TRPM3: variants seen among roughly 807,000 people sequenced by gnomAD.
TRPM3 encodes long transient receptor potential channel 3.
Under a neutral mutation model 181.2 loss-of-function variants are expected in TRPM3, and 77 were observed. The ratio of observed to expected loss-of-function variants is 0.42; its 90% CI spans 0.35 to 0.51. The LOEUF (loss-of-function observed/expected upper bound fraction) is 0.51, where lower values mean the gene tolerates loss of function less well. Among genes scored for constraint, TRPM3 ranks in the 20% least tolerant of loss-of-function variants. TRPM3 has a pLI of 0.01. For synonymous variants in TRPM3, 745 were observed against 796.4 expected (o/e 0.94, Z 1.09); for missense variants, 1,759 against 2,196.7 (o/e 0.80, Z 3.98).
At chr9:71,277,866 A>C (rs542567932) in intron 1 of TRPM3, among the ~76,000 whole-genome samples, 12 of 151,398 alleles carry the variant, frequency 7.9e-5, no homozygotes, top group Non-Finnish European at 1.5e-4. Flanking sequence ...TCAGGAAAAG[A>C]GGATGCAGAG....
chr9:71,119,625 G>A (rs2073181974), intron 1 of TRPM3, among the ~76,000 whole-genome samples: 1 of 151,914 alleles, frequency 6.6e-6, no homozygotes, highest in South Asian at 2.1e-4. Context: ...CATTATTTTG[G>A]GTTAAAGCTG....
chr9:70,846,637 C>A (rs377705434), intron 3 of TRPM3, 46 bp from the exon 4 acceptor site: 41 of 1,530,056 alleles, frequency 2.7e-5, no homozygotes, highest in Non-Finnish European at 3.3e-5. Context: ...GCAGGACTGG[C>A]TGAGGCTGGT....
At chr9:70,669,245 C>T (rs1476313488) in intron 9 of TRPM3, among the ~76,000 whole-genome samples, 1 of 152,206 alleles carries the variant, frequency 6.6e-6, no homozygotes, top group South Asian at 2.1e-4. Flanking sequence ...TCTCAGTTCC[C>T]TAAATGCGTA....
chr9:71,265,697 A>G (rs1050980743), intron 1 of TRPM3, among the ~76,000 whole-genome samples: 1 of 152,344 alleles, frequency 6.6e-6, no homozygotes, highest in East Asian at 1.9e-4. Flanking sequence ...GCCTATTATA[A>G]GTGTTGAGCA....
chr9:71,239,771 T>G (rs2081559645), intron 1 of TRPM3, among the ~76,000 whole-genome samples: 1 of 152,106 alleles, frequency 6.6e-6, no homozygotes, highest in African/African-American at 2.4e-5. Context: ...TTCTTTTTTG[T>G]CTTAAAAAAG....
chr9:70,947,936 G>A (rs1163295633), intron 1 of TRPM3, among the ~76,000 whole-genome samples: 2 of 152,060 alleles, frequency 1.3e-5, no homozygotes, highest in African/African-American at 4.8e-5. Flanking sequence ...CTAAGTAGGG[G>A]AAAGTTACTA....
intron 1 of TRPM3, among the ~76,000 whole-genome samples, chr9:70,899,757 C>T (rs1234571890): frequency 6.6e-6 from 1 of 152,212 alleles, no homozygotes; most frequent in African/African-American, 2.4e-5. Flanking sequence ...CTCAAATAGA[C>T]TGTGAACAAC....
chr9:71,012,419 T>C (rs1297380908), intron 1 of TRPM3, among the ~76,000 whole-genome samples: 3 of 151,788 alleles, frequency 2.0e-5, no homozygotes, highest in Admixed American at 2.0e-4. Flanking sequence ...TTTTTTTTTT[T>C]AACATCTGGC....
At chr9:71,168,725 T>C (rs2076688931) in intron 1 of TRPM3, among the ~76,000 whole-genome samples, 1 of 150,582 alleles carries the variant, frequency 6.6e-6, no homozygotes, top group Admixed American at 6.6e-5. Flanking sequence ...CCTAGGGGTG[T>C]TGCCATAATT....
intron 8 of TRPM3, among the ~76,000 whole-genome samples, chr9:70,744,136 T>C (rs1218012293): frequency 1.3e-5 from 2 of 151,994 alleles, no homozygotes; most frequent in Admixed American, 1.3e-4. Context: ...GAGACCAGCC[T>C]GGACAACATG....
intron 7 of TRPM3, among the ~76,000 whole-genome samples, chr9:70,782,178 G>C (rs556292654): frequency 7.1e-4 from 106 of 149,964 alleles, no homozygotes; most frequent in African/African-American, 2.5e-3. Flanking sequence ...GCTAGACTTA[G>C]AGAAAGGAGA....
chr9:71,009,657 C>A (rs2097715373), intron 1 of TRPM3, among the ~76,000 whole-genome samples: 1 of 152,062 alleles, frequency 6.6e-6, no homozygotes, highest in African/African-American at 2.4e-5. Context: ...GTTCCTATTA[C>A]TCACAGTGAT....
intron 1 of TRPM3, among the ~76,000 whole-genome samples, chr9:70,928,775 G>A (rs1393939787): frequency 6.6e-6 from 1 of 152,190 alleles, no homozygotes; most frequent in Non-Finnish European, 1.5e-5. Flanking sequence ...AGAAGATGAA[G>A]CGGGCATCAT....
At chr9:71,423,806 A>G (rs2093818428) in intron 1 of TRPM3, among the ~76,000 whole-genome samples, 1 of 152,256 alleles carries the variant, frequency 6.6e-6, no homozygotes, top group Admixed American at 6.6e-5. Flanking sequence ...GAAGGTCAAA[A>G]GTTCCTCCCC....
chr9:71,231,562 C>T (rs1199152238), intron 1 of TRPM3, among the ~76,000 whole-genome samples: 1 of 152,142 alleles, frequency 6.6e-6, no homozygotes, highest in South Asian at 2.1e-4. Context: ...GAATTGGTGG[C>T]CATTTGTTAC....
rs575416462 is a variant in TRPM3, at chr9:71,370,455, GAA to G, written c.183+76196_183+76197del. 9.6e-4 allele frequency among the ~76,000 whole-genome samples: 145 copies of G among 151,648 alleles called. 2 individuals carry two copies. The highest frequency in any genetic ancestry group is 6.0e-3 in the South Asian group (29 of 4,814). On this transcript the variant is annotated intron_variant, in intron 1 of 24. Coordinates refer to the TRPM3 transcript ENST00000357533. ...AAAACAGCCTTGTTGCTGATATGGA[GAA>G]AGTTTTAGTGGTCTGGATAGAAAAA...
chr9:70,915,200 C>G (rs999979817), intron 1 of TRPM3, among the ~76,000 whole-genome samples: 1 of 152,096 alleles, frequency 6.6e-6, no homozygotes, highest in Non-Finnish European at 1.5e-5. Flanking sequence ...CAAGATAACA[C>G]AGAGAAGGAA....
chr9:71,228,168 G>A (rs1054532458), intron 1 of TRPM3, among the ~76,000 whole-genome samples: 1 of 152,162 alleles, frequency 6.6e-6, no homozygotes, highest in Non-Finnish European at 1.5e-5. Context: ...GGGATGCAAG[G>A]ATGGTTCAAC....
rs190053198 is a variant in TRPM3 at position 70,681,080 on chromosome 9, T to C, written c.1345+426A>G. On this transcript the variant is annotated intron_variant, in intron 9 of 25. Coordinates refer to ENST00000677713, the MANE Select transcript of TRPM3 (RefSeq NM_001366145.2). Reference sequence around the variant, plus strand: ...TCTCAATGGTTTTTGATTTTCCATTTTAATATACTATTGTGTGTGTTAAGG... The same window carrying C: ...TCTCAATGGTTTTTGATTTTCCATTCTAATATACTATTGTGTGTGTTAAGG... Among the ~76,000 whole-genome samples the C allele has an allele frequency of 1.7e-3, 252 of 146,436 alleles. 1 individual carries two copies. The highest frequency in any genetic ancestry group is 1.7e-3 in the Non-Finnish European group (110 of 65,056).
Sources: allele counts gnomAD v4.1 joint callset (sites outside exome capture counted in the v4.1 genomes callset), GRCh38; gene constraint gnomAD v4.1.1; transcripts MANE v1.5; gene names NCBI Gene and HGNC (gene_info 2026-07-23, HGNC 2026-07-21).